Variants in SMG6 observed in about 807,000 individuals in gnomAD.
SMG6 encodes SMG6 nonsense mediated mRNA decay factor, also known as telomerase-binding protein EST1A.
In SMG6, 66 loss-of-function variants were observed where a neutral mutation model predicts 142.2. The observed-to-expected ratio is 0.46, with a 90% confidence interval of 0.38 to 0.57. The LOEUF (loss-of-function observed/expected upper bound fraction) is 0.57, where lower values mean the gene tolerates loss of function less well. Ranked by LOEUF, SMG6 falls within the 20% of genes least tolerant of loss-of-function variation. The pLI, the probability that SMG6 is intolerant of heterozygous loss-of-function variation, is 0.00. For missense variants in SMG6, 1,793 were observed against 1,832.0 expected (o/e 0.98, Z 0.39); for synonymous variants, 779 against 702.4 (o/e 1.11, Z -1.72).
intron 13 of SMG6, among the ~76,000 whole-genome samples, chr17:2,161,615 C>T (rs1462486510): frequency 6.6e-6 from 1 of 151,900 alleles, no homozygotes; most frequent in Non-Finnish European, 1.5e-5. Context: ...TGCACTGCCA[C>T]TACTCTTATA....
chr17:2,207,747 G>A (rs1044686306), intron 10 of SMG6, among the ~76,000 whole-genome samples: 2 of 152,008 alleles, frequency 1.3e-5, no homozygotes, highest in African/African-American at 4.8e-5. Context: ...TAAAGCAAGG[G>A]GATTTAAAAG....
intron 18 of SMG6, 49 bp from the exon 19 acceptor site, chr17:2,061,671 G>C: frequency 6.5e-7 from 1 of 1,543,792 alleles, no homozygotes; most frequent in Non-Finnish European, 8.8e-7. Context: ...AGGAGGCAGA[G>C]GGCTGGCTGC....
At position 2,288,077 on chromosome 17, in the gene SMG6, G is replaced by A. The variant is rs555047094; in HGVS notation, c.2338-4342C>T. Among the ~76,000 whole-genome samples the A allele has an allele frequency of 9.9e-5, 15 of 152,222 alleles. No homozygotes were observed. The East Asian group carries it at 2.7e-3, about 27-fold the overall frequency. On this transcript the variant is annotated intron_variant, in intron 6 of 18. Coordinates refer to ENST00000263073, the MANE Select transcript of SMG6 (RefSeq NM_017575.5). ...GCCTGTAATCCCAGCACTTTCGGAG[G>A]CCAAGGTGGGTGGATCACCTGAAGT...
chr17:2,142,841 T>C (rs992029960), intron 13 of SMG6, among the ~76,000 whole-genome samples: 1 of 140,062 alleles, frequency 7.1e-6, no homozygotes, highest in Admixed American at 7.9e-5. Flanking sequence ...TGAGCCAAGA[T>C]TGCGCCATTG....
chr17:2,145,113 T>C (rs891936280), intron 13 of SMG6, among the ~76,000 whole-genome samples: 2 of 152,146 alleles, frequency 1.3e-5, no homozygotes, highest in Non-Finnish European at 2.9e-5. Flanking sequence ...TATTTATTTA[T>C]ATTTTTATTT....
chr17:2,221,380 G>C (rs2073165374), intron 10 of SMG6, among the ~76,000 whole-genome samples: 1 of 152,180 alleles, frequency 6.6e-6, no homozygotes, highest in African/African-American at 2.4e-5. Flanking sequence ...AGCCATGGAA[G>C]ACGTGCCTCC....
chr17:2,149,480 C>T (rs1178951199), intron 13 of SMG6, among the ~76,000 whole-genome samples: 1 of 152,006 alleles, frequency 6.6e-6, no homozygotes, highest in Non-Finnish European at 1.5e-5. Flanking sequence ...AACTCCTCAC[C>T]CTCTTGCCTC....
intron 8 of SMG6, among the ~76,000 whole-genome samples, chr17:2,263,393 C>A (rs562091542): frequency 1.3e-5 from 2 of 152,168 alleles, no homozygotes; most frequent in Admixed American, 1.3e-4. Flanking sequence ...CTACTAGTAA[C>A]CAATGTTACC....
intron 8 of SMG6, among the ~76,000 whole-genome samples, chr17:2,281,062 T>C (rs1220539853): frequency 6.6e-6 from 1 of 152,160 alleles, no homozygotes; most frequent in Non-Finnish European, 1.5e-5. Context: ...TTTGATTGTA[T>C]TCATTTATTT....
intron 13 of SMG6, among the ~76,000 whole-genome samples, chr17:2,132,479 T>C (rs2070155180): frequency 1.3e-5 from 2 of 152,168 alleles, no homozygotes; most frequent in Non-Finnish European, 2.9e-5. Context: ...GGACGATCAG[T>C]GGATGGTGCT....
intron 13 of SMG6, chr17:2,087,272 A>G: frequency 7.8e-7 from 1 of 1,280,262 alleles, no homozygotes; most frequent in African/African-American, 1.5e-5. Context: ...CACAGAGAGC[A>G]GATGAAGCAG....
chr17:2,115,824 A>G (rs942340076), intron 13 of SMG6, among the ~76,000 whole-genome samples: 2 of 152,112 alleles, frequency 1.3e-5, no homozygotes, highest in Non-Finnish European at 2.9e-5. Flanking sequence ...CCCGGGTCCA[A>G]GCAATCCTCC....
intron 8 of SMG6, among the ~76,000 whole-genome samples, chr17:2,270,539 T>C (rs1165066755): frequency 6.6e-6 from 1 of 152,112 alleles, no homozygotes; most frequent in African/African-American, 2.4e-5. Context: ...GCCTGGGAGA[T>C]GGAGGCTTCA....
At chr17:2,246,709 G>A (rs1433535820) in intron 8 of SMG6, among the ~76,000 whole-genome samples, 1 of 152,176 alleles carries the variant, frequency 6.6e-6, no homozygotes, top group Non-Finnish European at 1.5e-5. Flanking sequence ...ACTTTGGGAG[G>A]CCATGGCAGG....
chr17:2,172,736 C>T lies in SMG6; in HGVS notation c.3279G>A (p.Glu1093=), dbSNP rs755956271. The T allele has an allele frequency of 6.2e-7, 1 of 1,614,152 alleles. No homozygotes were observed. Among genetic ancestry groups the T allele is most frequent in the Non-Finnish European group, 8.5e-7 (1 of 1,180,026 alleles). The change falls in exon 13 of 19, where the codon GAG becomes GAA. Residue 1093 remains glutamate (E), a synonymous_variant. Transcript: ENST00000263073. ...GGACAAAGCCCGAGAGAAGCCGATCCTCTTCCAGGATAAGAAGGGTGAGGT... is the reference window on the plus strand; with the variant it reads ...GGACAAAGCCCGAGAGAAGCCGATCTTCTTCCAGGATAAGAAGGGTGAGGT... ...DDDLTLLILE[E]DRLLSGFVPL...
Position 2,297,878 on chromosome 17 carries a change from C to G in SMG6, c.2025G>C (p.Leu675Phe). 6.2e-7 allele frequency: 1 copy of G among 1,611,040 alleles called. No individual in the cohort carries two copies. The highest frequency in any genetic ancestry group is 1.1e-5 in the South Asian group (1 of 91,008). Residue 675 changes from leucine to phenylalanine, a missense_variant, in exon 3 of 19, where the codon TTG (leucine) becomes TTC (phenylalanine). This residue lies in a region of SMG6 where 1,597 missense variants were observed against 1,584.6 expected (regional missense o/e 1.01). Transcript: ENST00000263073. ...GACAGTTTACCTCATCCAAGAGCTC[C>G]AAAAGTCTGTTCCGAATCTGTTCTG... The part of the protein sequence containing the change: ...ENPEQIRNRL[L>F]ELLDEGSDFF...
chr17:2,251,537 A>G (rs2074046124), intron 8 of SMG6, among the ~76,000 whole-genome samples: 1 of 152,206 alleles, frequency 6.6e-6, no homozygotes, highest in South Asian at 2.1e-4. Context: ...GAGACATGTG[A>G]ATTTAAGTGT....
At chr17:2,101,965 A>G (rs576097429) in intron 13 of SMG6, among the ~76,000 whole-genome samples, 3 of 76,166 alleles carry the variant, frequency 3.9e-5, no homozygotes, top group Non-Finnish European at 6.9e-5. Context: ...AATTCACAGA[A>G]GAAGAGAAAA....
rs1201074414 is a variant in SMG6 at position 2,298,069 on chromosome 17, CAT to C, written c.1848-16_1848-15del. Reference sequence around the variant, plus strand: ...AGCAGTTCAGCTCTGGAATAAAATACATGCAACTTCCAGCTCCAAATACACCA... The same window carrying C: ...AGCAGTTCAGCTCTGGAATAAAATACGCAACTTCCAGCTCCAAATACACCA... On this transcript the variant is annotated splice_polypyrimidine_tract_variant and intron_variant, in intron 2 of 18. Transcript: ENST00000263073. 1 of 1,582,086 alleles carries C rather than the reference CAT, an allele frequency of 6.3e-7. No individual in the cohort carries two copies. Among genetic ancestry groups the C allele is most frequent in the South Asian group, 1.2e-5 (1 of 86,220 alleles).
Sources: allele counts gnomAD v4.1 joint callset (sites outside exome capture counted in the v4.1 genomes callset), GRCh38; gene constraint gnomAD v4.1.1; regional missense constraint gnomAD v4.1.1; transcripts MANE v1.5; gene names NCBI Gene and HGNC (gene_info 2026-07-23, HGNC 2026-07-21).